The following CIST1 variants were observed in gnomAD, a reference collection of about 807,000 sequenced individuals.
The protein encoded by CIST1 is uncharacterized LOC729966.
chr19:18,253,318 G>A, the CIST1 span, among the ~76,000 whole-genome samples: 1 of 152,152 alleles, frequency 6.6e-6, no homozygotes. Context: ...AGGAATTCAA[G>A]GCTGTAGTGC....
the CIST1 span, among the ~76,000 whole-genome samples, chr19:18,251,144 G>A: frequency 6.7e-6 from 1 of 148,900 alleles, no homozygotes; most frequent in East Asian, 2.0e-4. Context: ...TTTCCCCCCC[G>A]AGATGGAGTC....
chr19:18,254,232 T>C, the CIST1 span, among the ~76,000 whole-genome samples: 1 of 152,152 alleles, frequency 6.6e-6, no homozygotes, highest in Non-Finnish European at 1.5e-5. Flanking sequence ...TGTCCTCTGT[T>C]TCTGCTGAAA....
At chr19:18,253,898 G>A in the CIST1 span, among the ~76,000 whole-genome samples, 424 of 152,314 alleles carry the variant, frequency 2.8e-3, no homozygotes, top group Non-Finnish European at 4.7e-3. Flanking sequence ...GCACTTACAA[G>A]TTCATTCATC....
chr19:18,250,165 C>A, the CIST1 span: 74 of 398,730 alleles, frequency 1.9e-4, 2 homozygotes, highest in African/African-American at 1.4e-3. Context: ...GACAATCTGT[C>A]ATTCACGGAT....
chr19:18,254,045 C>T, the CIST1 span, among the ~76,000 whole-genome samples: 2 of 152,196 alleles, frequency 1.3e-5, no homozygotes, highest in Non-Finnish European at 2.9e-5. Context: ...TGCCACCCTC[C>T]CCAGATCTCT....
chr19:18,253,126 C>T, the CIST1 span, among the ~76,000 whole-genome samples: 1 of 152,164 alleles, frequency 6.6e-6, no homozygotes, highest in Non-Finnish European at 1.5e-5. Context: ...GAAGTGACTG[C>T]ATCCCAGGCA....
At chr19:18,253,062 G>C in the CIST1 span, among the ~76,000 whole-genome samples, 1 of 152,250 alleles carries the variant, frequency 6.6e-6, no homozygotes, top group South Asian at 2.1e-4. Context: ...TTCAAGTGCA[G>C]ATCAGCGTTC....
chr19:18,250,206 C>T, the CIST1 span: 1 of 398,762 alleles, frequency 2.5e-6, no homozygotes, highest in Non-Finnish European at 4.4e-6. Context: ...GGGAGGCATT[C>T]AGACACCAAA....
chr19:18,252,947 G>T, the CIST1 span, among the ~76,000 whole-genome samples: 3 of 152,088 alleles, frequency 2.0e-5, no homozygotes, highest in African/African-American at 4.8e-5. Context: ...TTTTGTCCAG[G>T]TCATAGGGAG....
chr19:18,251,210 C>A, the CIST1 span, among the ~76,000 whole-genome samples: 1 of 151,784 alleles, frequency 6.6e-6, no homozygotes, highest in Non-Finnish European at 1.5e-5. Context: ...ACTCCAACCT[C>A]CGCCTCCTGG....
the CIST1 span, chr19:18,255,287 C>A: frequency 5.0e-6 from 2 of 399,364 alleles, no homozygotes; most frequent in Non-Finnish European, 8.8e-6. This position sits in a 1 kb window ranked among gnomAD's most constrained non-coding sequence, Gnocchi z 4.6. Flanking sequence ...GCAGAAGTGG[C>A]GGCAGCTGGG....
the CIST1 span, chr19:18,250,239 C>T: frequency 7.5e-6 from 3 of 398,990 alleles, no homozygotes; most frequent in South Asian, 2.5e-4. Context: ...CCAGGTTGGC[C>T]CTGCTTGGGA....
chr19:18,251,955 C>T, the CIST1 span: 5 of 397,408 alleles, frequency 1.3e-5, no homozygotes, highest in Non-Finnish European at 2.2e-5. Context: ...ACAAGAAGCC[C>T]TTCCTAGAGC....
the CIST1 span, chr19:18,250,494 C>T: frequency 5.0e-6 from 2 of 398,906 alleles, no homozygotes; most frequent in African/African-American, 2.1e-5. Context: ...AACTCAGAGT[C>T]AGCACTGGGT....
chr19:18,252,615 T>TG, the CIST1 span: 2 of 376,980 alleles, frequency 5.3e-6, no homozygotes, highest in Non-Finnish European at 4.6e-6. Context: ...TTTCTCTCTC[T>TG]CTTTTTTTTT....
the CIST1 span, among the ~76,000 whole-genome samples, chr19:18,254,206 G>A: frequency 3.3e-5 from 5 of 152,190 alleles, no homozygotes; most frequent in Middle Eastern, 3.2e-3. Flanking sequence ...TGGGAAGAAC[G>A]CCCCTCAAGG....
At chr19:18,255,342 C>G in the CIST1 span, 11 of 382,694 alleles carry the variant, frequency 2.9e-5, no homozygotes, top group Non-Finnish European at 4.9e-5. This position sits in a 1 kb window ranked among gnomAD's most constrained non-coding sequence, Gnocchi z 4.6. Flanking sequence ...CGGCTCTGCA[C>G]AGGTGTGTGG....
chr19:18,250,049 G>A, the CIST1 span: 1 of 398,584 alleles, frequency 2.5e-6, no homozygotes, highest in East Asian at 3.6e-5. Flanking sequence ...TGAATGGTAG[G>A]GGCTTTATTT....
chr19:18,250,688 C>G, the CIST1 span, among the ~76,000 whole-genome samples: 10 of 152,122 alleles, frequency 6.6e-5, no homozygotes, highest in Non-Finnish European at 1.5e-4. Flanking sequence ...CTCACTGCAG[C>G]CTCTATCTCC....
Sources: gnomAD v4.1 joint callset for allele counts (sites outside exome capture counted in the v4.1 genomes callset) on GRCh38, gnomAD v4.1.1 for gene constraint, Gnocchi (gnomAD v3.1) non-coding constraint, MANE v1.5 for transcripts, NCBI Gene and HGNC (gene_info 2026-07-23, HGNC 2026-07-21) for gene names.